SPAG6: variants seen among roughly 807,000 people sequenced by gnomAD.
The protein encoded by SPAG6 is sperm associated antigen 6, also known as sperm-associated antigen 6.
In SPAG6, 49 loss-of-function variants were observed where a neutral mutation model predicts 58.5. The ratio of observed to expected loss-of-function variants is 0.84; its 90% CI spans 0.67 to 1.06. The LOEUF (loss-of-function observed/expected upper bound fraction) is 1.06. Among genes scored for constraint, SPAG6 ranks in the 50% least tolerant of loss-of-function variants. The probability of loss-of-function intolerance (pLI) is 0.00; values close to 1 mark genes in which losing one functional copy is unlikely to be tolerated. For synonymous variants in SPAG6, 233 were observed against 225.6 expected (o/e 1.03, Z -0.29); for missense variants, 560 against 611.3 (o/e 0.92, Z 0.89).
In SPAG6 at chr10:22,401,169, A is replaced by G; in HGVS notation, c.1206A>G (p.Lys402=). The change falls in exon 9 of 11, where the codon AAA becomes AAG. Residue 402 remains lysine, a synonymous_variant. Transcript: ENST00000376624. The part of the protein sequence containing the change: ...SSEDLQVKSK[K]AIKNILQKCT... Reference sequence around the variant, plus strand: ...CTGCTTTGTATTTCTAGAGTAAAAAAGCCATAAAGAATATCCTGCAAAAAT... The same window carrying G: ...CTGCTTTGTATTTCTAGAGTAAAAAGGCCATAAAGAATATCCTGCAAAAAT... The G allele has an allele frequency of 2.6e-6, 4 of 1,534,606 alleles. No individual in the cohort carries two copies. Among genetic ancestry groups the G allele is most frequent in the Non-Finnish European group, 3.6e-6 (4 of 1,108,426 alleles).
chr10:22,406,607 A>G (rs373067225), intron 9 of SPAG6, among the ~76,000 whole-genome samples: 13 of 152,182 alleles, frequency 8.5e-5, no homozygotes, highest in Admixed American at 3.3e-4. Context: ...AAAAAAATGT[A>G]TATTCTGTTG....
At chr10:22,398,795 G>A (rs1834349208) in intron 8 of SPAG6, among the ~76,000 whole-genome samples, 1 of 152,030 alleles carries the variant, frequency 6.6e-6, no homozygotes, top group African/African-American at 2.4e-5. Flanking sequence ...GAAAATATTT[G>A]CAATTCAAGA....
chr10:22,415,714 ATAAC>A (rs960223195), intron 10 of SPAG6, among the ~76,000 whole-genome samples: 1 of 152,240 alleles, frequency 6.6e-6, no homozygotes, highest in Non-Finnish European at 1.5e-5. Context: ...ATAGATAAAG[ATAAC>A]TAACAAAAGG....
chr10:22,409,412 T>C (rs932398524), intron 9 of SPAG6, among the ~76,000 whole-genome samples: 1 of 152,258 alleles, frequency 6.6e-6, no homozygotes, highest in Non-Finnish European at 1.5e-5. Context: ...TTTTAATTAT[T>C]TGTTAAATGC....
chr10:22,379,935 C>T (rs539035102), intron 4 of SPAG6, among the ~76,000 whole-genome samples: 16 of 152,220 alleles, frequency 1.1e-4, no homozygotes, highest in Non-Finnish European at 1.9e-4. Context: ...GCTGAGACTA[C>T]AGGCACGTGC....
chr10:22,379,324 T>C (rs1387097536), intron 4 of SPAG6, among the ~76,000 whole-genome samples: 1 of 152,208 alleles, frequency 6.6e-6, no homozygotes, highest in Non-Finnish European at 1.5e-5. Flanking sequence ...CCTCCTCTTA[T>C]TCACATCCTT....
chr10:22,356,474 C>G (rs1020809965), intron 2 of SPAG6, among the ~76,000 whole-genome samples: 1 of 152,192 alleles, frequency 6.6e-6, no homozygotes, highest in Non-Finnish European at 1.5e-5. Flanking sequence ...ACTTTCCTTT[C>G]CCCTTAAAAT....
chr10:22,355,718 G>T (rs1349029871), intron 2 of SPAG6, among the ~76,000 whole-genome samples: 1 of 152,122 alleles, frequency 6.6e-6, no homozygotes, highest in Non-Finnish European at 1.5e-5. Flanking sequence ...AAGGCAAACA[G>T]ATATGTGATA....
At chr10:22,400,080 C>G (rs530205813) in intron 8 of SPAG6, among the ~76,000 whole-genome samples, 4 of 152,226 alleles carry the variant, frequency 2.6e-5, no homozygotes, top group Admixed American at 6.5e-5. Context: ...AACAACACAC[C>G]TGTGGTAAAG....
chr10:22,349,143 C>G (rs1836648193), intron 2 of SPAG6, among the ~76,000 whole-genome samples: 1 of 152,150 alleles, frequency 6.6e-6, no homozygotes. Flanking sequence ...GCCGCCACGC[C>G]TGGGTAGTAA....
chr10:22,365,908 G>C (rs1837185016), intron 3 of SPAG6, among the ~76,000 whole-genome samples: 2 of 152,064 alleles, frequency 1.3e-5, no homozygotes, highest in Admixed American at 6.6e-5. Context: ...AAAATAAAAA[G>C]AAAATAACAA....
chr10:22,391,701 A>G, intron 7 of SPAG6, 28 bp from the exon 8 acceptor site: 1 of 1,604,706 alleles, frequency 6.2e-7, no homozygotes, highest in Non-Finnish European at 8.5e-7. Flanking sequence ...TAGATTCATA[A>G]CACTTGCTCT....
At chr10:22,358,483 C>T (rs1253777190) in intron 2 of SPAG6, among the ~76,000 whole-genome samples, 1 of 151,694 alleles carries the variant, frequency 6.6e-6, no homozygotes, top group Admixed American at 6.6e-5. Context: ...GGATATTAGC[C>T]CTTTGTCAGA....
Position 22,401,227 on chromosome 10 carries a change from TATG to T in SPAG6, c.1268_1270del (p.Asp423del). ...CTTACCAGCCCTTGAACCATTTCTATATGATGCTCCTCCCAATATTCTGAAACA... is the reference window on the plus strand; with the variant it reads ...CTTACCAGCCCTTGAACCATTTCTATATGCTCCTCCCAATATTCTGAAACA... On this transcript the variant is annotated inframe_deletion, in exon 9 of 11. Coordinates refer to ENST00000376624, the MANE Select transcript of SPAG6 (RefSeq NM_012443.4). The T allele has an allele frequency of 6.2e-7, 1 of 1,608,292 alleles. No individual in the cohort carries two copies. The highest frequency in any genetic ancestry group is 8.5e-7 in the Non-Finnish European group (1 of 1,174,918).
chr10:22,381,619 C>T (rs373516611), intron 4 of SPAG6, among the ~76,000 whole-genome samples: 22 of 151,882 alleles, frequency 1.4e-4, no homozygotes, highest in Middle Eastern at 3.4e-3. Flanking sequence ...GACAACTAGC[C>T]GTGACATAAT....
intron 4 of SPAG6, among the ~76,000 whole-genome samples, chr10:22,377,559 G>A (rs1435589801): frequency 6.6e-6 from 1 of 152,178 alleles, no homozygotes; most frequent in Non-Finnish European, 1.5e-5. Flanking sequence ...TTAAGTAAAT[G>A]ATGGCATATT....
intron 10 of SPAG6, chr10:22,412,428 C>G: frequency 7.0e-7 from 1 of 1,435,684 alleles, no homozygotes; most frequent in South Asian, 1.3e-5. Flanking sequence ...GTTTTCTATC[C>G]ACATATTTTT....
At chr10:22,382,298 C>T (rs1833974363) in intron 4 of SPAG6, among the ~76,000 whole-genome samples, 1 of 152,114 alleles carries the variant, frequency 6.6e-6, no homozygotes, top group African/African-American at 2.4e-5. Flanking sequence ...TACTAAAAAA[C>T]AACTGATCAT....
At chr10:22,358,985 C>T (rs564987239) in intron 2 of SPAG6, among the ~76,000 whole-genome samples, 1 of 152,266 alleles carries the variant, frequency 6.6e-6, no homozygotes, top group Admixed American at 6.5e-5. Flanking sequence ...TTGCCAAGGT[C>T]CCTCAGCTAG....
Sources: allele counts gnomAD v4.1 joint callset (sites outside exome capture counted in the v4.1 genomes callset), GRCh38; gene constraint gnomAD v4.1.1; transcripts MANE v1.5; gene names NCBI Gene and HGNC (gene_info 2026-07-23, HGNC 2026-07-21).